The following TAFA2 variants were observed in gnomAD, a reference collection of about 807,000 sequenced individuals.
The protein encoded by TAFA2 is chemokine-like protein TAFA-2.
A neutral mutation model predicts 18.8 loss-of-function variants in TAFA2; 7 were observed. That is an observed-to-expected ratio of 0.37 (90% CI 0.21 to 0.70). The LOEUF (loss-of-function observed/expected upper bound fraction) is 0.70, where lower values mean the gene tolerates loss of function less well. Among genes scored for constraint, TAFA2 ranks in the 30% least tolerant of loss-of-function variants. TAFA2 has a pLI of 0.53. For missense variants in TAFA2, 122 were observed against 158.1 expected (o/e 0.77, Z 1.23); for synonymous variants, 60 against 54.2 (o/e 1.11, Z -0.47).
intron 1 of TAFA2, among the ~76,000 whole-genome samples, chr12:62,022,418 A>T (rs1010283156): frequency 6.6e-6 from 1 of 152,184 alleles, no homozygotes; most frequent in African/African-American, 2.4e-5. Context: ...TGTAAGGATT[A>T]TTTCCTCTAA....
chr12:61,904,907 A>C lies in TAFA2; in HGVS notation c.-1-37481T>G, dbSNP rs562682103. ...GTCCTCAAGTCTTTGATTCAATAAA[A>C]TGTTACAAAAATCTACTGTGTTGAT... On this transcript the variant is annotated intron_variant, in intron 1 of 4. Coordinates refer to ENST00000416284, the MANE Select transcript of TAFA2 (RefSeq NM_178539.5). 9.3e-4 allele frequency among the ~76,000 whole-genome samples: 142 copies of C among 152,338 alleles called. 2 individuals are homozygous for C. The highest frequency in any genetic ancestry group is 4.3e-4 in the Non-Finnish European group (29 of 68,010).
intron 1 of TAFA2, among the ~76,000 whole-genome samples, chr12:62,046,189 T>C (rs540575079): frequency 6.6e-6 from 1 of 152,300 alleles, no homozygotes; most frequent in Non-Finnish European, 1.5e-5. Context: ...TCTGATATTA[T>C]TTGACCCCAA....
At chr12:61,991,607 T>C (rs971570450) in intron 1 of TAFA2, among the ~76,000 whole-genome samples, 1 of 152,248 alleles carries the variant, frequency 6.6e-6, no homozygotes, top group Non-Finnish European at 1.5e-5. Flanking sequence ...TTCTTTTCCA[T>C]TAGCGTAAAT....
upstream of TAFA2, among the ~76,000 whole-genome samples, chr12:62,195,887 C>T (rs952466650): frequency 2.0e-5 from 3 of 152,168 alleles, no homozygotes; most frequent in Non-Finnish European, 2.9e-5. Flanking sequence ...TTTGAAGCTT[C>T]GAAGCCAGGC....
intron 1 of TAFA2, among the ~76,000 whole-genome samples, chr12:61,970,337 AT>A (rs1458141588): frequency 6.6e-6 from 1 of 151,558 alleles, no homozygotes; most frequent in Non-Finnish European, 1.5e-5. Context: ...TTCATATCTG[AT>A]TTTTTTGGTT....
At chr12:62,035,378 A>T (rs908719177) in intron 1 of TAFA2, among the ~76,000 whole-genome samples, 7 of 152,196 alleles carry the variant, frequency 4.6e-5, no homozygotes, top group Non-Finnish European at 8.8e-5. Context: ...GTCCAAGGAC[A>T]GGAATACATA....
chr12:61,950,252 C>T (rs996409940), intron 1 of TAFA2, among the ~76,000 whole-genome samples: 7 of 152,086 alleles, frequency 4.6e-5, no homozygotes, highest in African/African-American at 1.7e-4. Context: ...CTTTAAATCT[C>T]TGCTTTCAAT....
intron 1 of TAFA2, among the ~76,000 whole-genome samples, chr12:62,160,842 G>A (rs1031036892): frequency 2.6e-5 from 4 of 152,132 alleles, no homozygotes; most frequent in East Asian, 1.9e-4. Context: ...TTTGCCCTGC[G>A]ATGGTCTGGT....
At chr12:61,903,989 TC>T (rs1398296192) in intron 1 of TAFA2, among the ~76,000 whole-genome samples, 1 of 152,172 alleles carries the variant, frequency 6.6e-6, no homozygotes, top group African/African-American at 2.4e-5. Flanking sequence ...CTTTTCAAGA[TC>T]TATCATCTGA....
chr12:62,235,876 C>T (rs1169606142), intron 1 of TAFA2, among the ~76,000 whole-genome samples: 3 of 151,696 alleles, frequency 2.0e-5, no homozygotes, highest in Non-Finnish European at 2.9e-5. Context: ...GGCACTGCAC[C>T]CAGCCTATTA....
At chr12:62,194,331 A>ACAC (rs869109681), upstream of TAFA2, among the ~76,000 whole-genome samples, 1 of 156 alleles carries the variant, frequency 6.4e-3, no homozygotes, top group Non-Finnish European at 0.013. Flanking sequence ...ACACACATAC[A>ACAC]AAAAAACATA....
intron 1 of TAFA2, among the ~76,000 whole-genome samples, chr12:61,886,776 A>G (rs768123041): frequency 2.6e-5 from 4 of 152,200 alleles, no homozygotes; most frequent in Non-Finnish European, 5.9e-5. Context: ...ATGAAATAGT[A>G]TGGTTCATGA....
chr12:61,896,642 T>C (rs903537732), intron 1 of TAFA2, among the ~76,000 whole-genome samples: 3 of 152,236 alleles, frequency 2.0e-5, no homozygotes, highest in Non-Finnish European at 2.9e-5. Flanking sequence ...GTACCTTACA[T>C]GTGAGCCTTT....
At chr12:62,096,464 GT>G (rs1868954729) in intron 1 of TAFA2, among the ~76,000 whole-genome samples, 1 of 152,198 alleles carries the variant, frequency 6.6e-6, no homozygotes, top group South Asian at 2.1e-4. Context: ...CAGAACATTT[GT>G]TTTTTAAAAA....
intron 1 of TAFA2, among the ~76,000 whole-genome samples, chr12:62,113,907 A>G (rs1489591255): frequency 6.6e-6 from 1 of 152,222 alleles, no homozygotes; most frequent in East Asian, 1.9e-4. Context: ...TTTCATCCCA[A>G]TGGATCTGAG....
intron 2 of TAFA2, among the ~76,000 whole-genome samples, chr12:61,772,061 CA>C (rs1870051937): frequency 6.6e-6 from 1 of 151,576 alleles, no homozygotes; most frequent in African/African-American, 2.4e-5. Flanking sequence ...CAACTGATAC[CA>C]CAGAAATACA....
intron 4 of TAFA2, among the ~76,000 whole-genome samples, chr12:61,721,344 A>G (rs1380188716): frequency 1.3e-5 from 2 of 152,226 alleles, no homozygotes; most frequent in Non-Finnish European, 2.9e-5. Flanking sequence ...ATTAGGTAGT[A>G]ATAATAAATT....
intron 1 of TAFA2, among the ~76,000 whole-genome samples, chr12:61,940,333 G>A (rs1051852724): frequency 6.6e-6 from 1 of 152,192 alleles, no homozygotes; most frequent in African/African-American, 2.4e-5. Context: ...CTGGATGGTG[G>A]TAGATGGTGG....
At chr12:61,888,246 C>T (rs982747660) in intron 1 of TAFA2, among the ~76,000 whole-genome samples, 1 of 152,256 alleles carries the variant, frequency 6.6e-6, no homozygotes, top group Non-Finnish European at 1.5e-5. Flanking sequence ...ACCCAAAGGA[C>T]TATAAATCAT....
Sources: gnomAD v4.1 joint callset for allele counts (sites outside exome capture counted in the v4.1 genomes callset) on GRCh38, gnomAD v4.1.1 for gene constraint, MANE v1.5 for transcripts, NCBI Gene and HGNC (gene_info 2026-07-23, HGNC 2026-07-21) for gene names.